WWOX: variants seen among roughly 807,000 people sequenced by gnomAD.
WWOX encodes WW domain containing oxidoreductase, also known as WW domain-containing oxidoreductase.
A neutral mutation model predicts 46.2 loss-of-function variants in WWOX; 69 were observed. That is an observed-to-expected ratio of 1.49 (90% confidence interval 1.23 to 1.82). The LOEUF is 1.82. WWOX is among the 40% of genes most tolerant of loss of function. WWOX has a pLI of 0.00. For missense variants in WWOX, 919 were observed against 542.6 expected (o/e 1.69, Z -6.89); for synonymous variants, 359 against 202.6 (o/e 1.77, Z -6.56).
chr16:78,973,091 C>G (rs180767726), intron 8 of WWOX, among the ~76,000 whole-genome samples: 3 of 152,206 alleles, frequency 2.0e-5, no homozygotes, highest in Non-Finnish European at 4.4e-5. Context: ...TTAATGACAT[C>G]AAATTCATGC....
intron 8 of WWOX, among the ~76,000 whole-genome samples, chr16:78,593,207 A>ATTT (rs35803353): frequency 6.7e-6 from 1 of 150,136 alleles, no homozygotes; most frequent in Non-Finnish European, 1.5e-5. Context: ...CTTGATCCTG[A>ATTT]TTTTTTTTTT....
At chr16:78,999,385 G>C (rs572150578) in intron 8 of WWOX, among the ~76,000 whole-genome samples, 1 of 152,098 alleles carries the variant, frequency 6.6e-6, no homozygotes, top group Non-Finnish European at 1.5e-5. Context: ...CAGGAGAATC[G>C]CTTCAACCCA....
At chr16:78,710,560 G>A (rs926164149) in intron 8 of WWOX, among the ~76,000 whole-genome samples, 2 of 134,022 alleles carry the variant, frequency 1.5e-5, no homozygotes, top group South Asian at 2.3e-4. Context: ...ATATATTTAT[G>A]CAAGTATATA....
intron 8 of WWOX, among the ~76,000 whole-genome samples, chr16:78,990,383 A>G (rs1051071589): frequency 2.0e-5 from 3 of 152,092 alleles, no homozygotes; most frequent in Non-Finnish European, 4.4e-5. Context: ...AGGAGCCTCA[A>G]CTGTTCTCTG....
chr16:78,623,477 C>T (rs370425640), intron 8 of WWOX, among the ~76,000 whole-genome samples: 4 of 151,972 alleles, frequency 2.6e-5, no homozygotes, highest in African/African-American at 4.8e-5. Context: ...GTCATGAGTT[C>T]GAGACCAGCC....
chr16:78,216,013 TCC>T (rs1163132122), intron 5 of WWOX, among the ~76,000 whole-genome samples: 2 of 152,008 alleles, frequency 1.3e-5, no homozygotes, highest in Admixed American at 1.3e-4. Context: ...ACTAACTGGC[TCC>T]TGGCAGGACA....
At chr16:78,882,468 C>T (rs961506367) in intron 8 of WWOX, among the ~76,000 whole-genome samples, 73 of 145,018 alleles carry the variant, frequency 5.0e-4, no homozygotes, top group African/African-American at 1.8e-3. Flanking sequence ...GTTAACACAC[C>T]ATACATCTTT....
In WWOX at chr16:78,453,262, A is replaced by G. The variant is rs372612836; in HGVS notation, c.1056+20510A>G. Among the ~76,000 whole-genome samples, 3 of 151,958 alleles carry G rather than the reference A, an allele frequency of 2.0e-5. No individual in the cohort carries two copies. In the East Asian group the frequency reaches 5.8e-4, roughly 30 times the overall value. ...AATATGGTGAGACCCTGTCTGTACTAAAAGTACAGAAATTAGTTGGGCATG... is the reference window on the plus strand; with the variant it reads ...AATATGGTGAGACCCTGTCTGTACTGAAAGTACAGAAATTAGTTGGGCATG... On this transcript the variant is annotated intron_variant, in intron 8 of 8. Coordinates refer to ENST00000566780, the MANE Select transcript of WWOX (RefSeq NM_016373.4).
Position 78,344,624 on chromosome 16 carries a change from A to G in WWOX, c.517-42236A>G, listed in dbSNP as rs2081065386. Among the ~76,000 whole-genome samples, 2 of 121,602 alleles carry G rather than the reference A, an allele frequency of 1.6e-5. 1 individual carries two copies. Among genetic ancestry groups the G allele is most frequent in the Non-Finnish European group, 3.9e-5 (2 of 50,806 alleles). The allele number at this position is 121,602 out of a possible 152,430, so 79.8% of individuals were successfully genotyped here. A position where few individuals can be genotyped will look rare whatever the true frequency, so the allele number is the denominator to read the frequency against. On this transcript the variant is annotated intron_variant, in intron 5 of 8. Transcript: ENST00000566780. ...CTACTTCGGTAGATACTGGCTGTAC[A>G]GAAGGGAACCCCAGTTTCAATGAGT...
chr16:79,211,198 G>C (rs1014891616), intron 8 of WWOX, among the ~76,000 whole-genome samples: 3 of 152,188 alleles, frequency 2.0e-5, no homozygotes, highest in Non-Finnish European at 2.9e-5. Flanking sequence ...TTGTCAGACA[G>C]AAGGTTCTAC....
intron 8 of WWOX, among the ~76,000 whole-genome samples, chr16:78,646,158 G>A (rs1311702328): frequency 1.3e-5 from 2 of 152,204 alleles, no homozygotes; most frequent in Admixed American, 1.3e-4. Context: ...GCAGGTTTCA[G>A]GGTAGAGCAT....
At chr16:78,187,109 C>A (rs186298576) in intron 5 of WWOX, among the ~76,000 whole-genome samples, 1 of 152,242 alleles carries the variant, frequency 6.6e-6, no homozygotes, top group African/African-American at 2.4e-5. Context: ...AAAGAAACAC[C>A]CTTTACCTTA....
intron 8 of WWOX, among the ~76,000 whole-genome samples, chr16:78,925,546 A>C (rs1482878360): frequency 6.6e-6 from 1 of 152,146 alleles, no homozygotes; most frequent in Non-Finnish European, 1.5e-5. Context: ...GCTTCTTTCC[A>C]CTAGGGAGCT....
intron 8 of WWOX, among the ~76,000 whole-genome samples, chr16:78,529,703 G>A (rs556181540): frequency 1.3e-5 from 2 of 151,904 alleles, no homozygotes; most frequent in East Asian, 2.0e-4. Flanking sequence ...TCCTGACCTC[G>A]TGATCCACCC....
intron 8 of WWOX, among the ~76,000 whole-genome samples, chr16:78,934,438 G>T (rs1164352468): frequency 1.3e-5 from 2 of 148,714 alleles, no homozygotes; most frequent in African/African-American, 5.0e-5. Flanking sequence ...GAGTCCAGGA[G>T]GTCAAGGCTG....
At chr16:78,557,281 T>A (rs1430638970) in intron 8 of WWOX, among the ~76,000 whole-genome samples, 1 of 152,174 alleles carries the variant, frequency 6.6e-6, no homozygotes, top group East Asian at 1.9e-4. Flanking sequence ...CACATAGACA[T>A]TTGGAAGCAA....
chr16:78,870,199 C>T (rs571873181), intron 8 of WWOX, among the ~76,000 whole-genome samples: 1 of 152,190 alleles, frequency 6.6e-6, no homozygotes, highest in Non-Finnish European at 1.5e-5. Flanking sequence ...GGCAGGTAAT[C>T]TGCTTCCTCA....
chr16:78,431,208 A>C (rs1414413852), intron 7 of WWOX, among the ~76,000 whole-genome samples: 1 of 152,244 alleles, frequency 6.6e-6, no homozygotes, highest in South Asian at 2.1e-4. Flanking sequence ...ATTATAAAGC[A>C]TCAACTAGTT....
chr16:78,412,561 C>G (rs902295772), intron 6 of WWOX, among the ~76,000 whole-genome samples: 1 of 152,046 alleles, frequency 6.6e-6, no homozygotes, highest in African/African-American at 2.4e-5. Context: ...TTGGAGGAGA[C>G]AAAAAATGGA....
Sources: allele counts gnomAD v4.1 joint callset (sites outside exome capture counted in the v4.1 genomes callset), GRCh38; gene constraint gnomAD v4.1.1; transcripts MANE v1.5; gene names NCBI Gene and HGNC (gene_info 2026-07-23, HGNC 2026-07-21).